SCARB2: variants seen among roughly 807,000 people sequenced by gnomAD.
SCARB2 encodes the protein lysosome membrane protein 2.
A neutral mutation model predicts 58.6 loss-of-function variants in SCARB2; 29 were observed. The ratio of observed to expected loss-of-function variants is 0.49; its 90% CI spans 0.37 to 0.67. The LOEUF (loss-of-function observed/expected upper bound fraction) is 0.67, where lower values mean the gene tolerates loss of function less well. Among genes scored for constraint, SCARB2 ranks in the 30% least tolerant of loss-of-function variants. SCARB2 has a pLI of 0.00. For synonymous variants in SCARB2, 195 were observed against 210.1 expected (o/e 0.93, Z 0.62); for missense variants, 488 against 578.5 (o/e 0.84, Z 1.60).
chr4:76,174,024 G>T (rs1353945008), intron 7 of SCARB2, 120 bp downstream of exon 7: 4 of 1,258,326 alleles, frequency 3.2e-6, no homozygotes, highest in Non-Finnish European at 3.5e-6. Context: ...TCCCACCTCA[G>T]CATCCTTAGT....
At chr4:76,233,864 G>T (rs1021709762) in intron 1 of SCARB2, among the ~76,000 whole-genome samples, 5 of 152,204 alleles carry the variant, frequency 3.3e-5, no homozygotes, top group Admixed American at 1.3e-4. Flanking sequence ...AGTTGGTTGG[G>T]GGGGGCTTGG....
intron 1 of SCARB2, among the ~76,000 whole-genome samples, chr4:76,211,559 T>C (rs772184790): frequency 1.2e-4 from 19 of 152,224 alleles, no homozygotes; most frequent in Non-Finnish European, 2.8e-4. Flanking sequence ...ATGTGATCGT[T>C]AGTCCTTATT....
chr4:76,223,003 AC>A (rs2109980959), intron 1 of SCARB2, among the ~76,000 whole-genome samples: 1 of 152,296 alleles, frequency 6.6e-6, no homozygotes, highest in African/African-American at 2.4e-5. Flanking sequence ...TCAGACCTTG[AC>A]AGGTGGATGC....
chr4:76,229,570 C>T (rs1948997), intron 1 of SCARB2, among the ~76,000 whole-genome samples: 31,769 of 152,146 alleles, frequency 0.21, 3,526 homozygotes, highest in East Asian at 0.36. Context: ...TCCCTAGGGA[C>T]GTGGCTTTCT....
rs767272635 is a variant in SCARB2, at chr4:76,175,889, T to G, written c.726A>C (p.Thr242=). The G allele has an allele frequency of 1.2e-6, 2 of 1,613,956 alleles. No individual in the cohort carries two copies. The highest frequency in any genetic ancestry group is 4.5e-5 in the East Asian group (2 of 44,870). The change falls in exon 6 of 12, where the codon ACA becomes ACC. Residue 242 remains threonine (T), a synonymous_variant. Transcript: ENST00000264896. ...TTCCATTAATCATATTGCACTTGTC[T>G]GTTATCCACCAGTCAAGTGACCTAT... ...NGKTSLDWWI[T]DKCNMINGTD...
chr4:76,173,808 G>A, intron 7 of SCARB2: 1 of 325,252 alleles, frequency 3.1e-6, no homozygotes, highest in Non-Finnish European at 5.9e-6. Flanking sequence ...ACACAACATG[G>A]CATTCTAGAA....
At chr4:76,205,435 TA>T (rs1732910891) in intron 1 of SCARB2, among the ~76,000 whole-genome samples, 1 of 152,236 alleles carries the variant, frequency 6.6e-6, no homozygotes, top group South Asian at 2.1e-4. Flanking sequence ...AAAACAAAGA[TA>T]AGTAATTGAG....
At position 76,176,503 on chromosome 4, in the gene SCARB2, T is replaced by A. The variant is rs751953388; in HGVS notation, c.638A>T (p.Tyr213Phe). Residue 213 changes from tyrosine to phenylalanine, a missense_variant, in exon 5 of 12, where the codon TAT becomes TTT. Tyr to Phe is a conservative substitution (Grantham distance 22). Transcript: ENST00000264896. ...YEKNGTNDGDYVFLTGEDSYL... is the reference protein window; with the variant it reads ...YEKNGTNDGDFVFLTGEDSYL... ...ACTGTCTTCTCCAGTTAGAAAAACA[T>A]AGTCTCCATCATTAGTCCCATTTTT... 3.1e-6 allele frequency: 5 copies of A among 1,611,360 alleles called. No homozygotes were observed. The highest frequency in any genetic ancestry group is 1.3e-5 in the African/African-American group (1 of 74,888).
chr4:76,190,009 C>CT lies in SCARB2; in HGVS notation c.275+5697dup, dbSNP rs796495594. On this transcript the variant is annotated intron_variant, in intron 2 of 11. Coordinates refer to ENST00000264896, the MANE Select transcript of SCARB2 (RefSeq NM_005506.4). ...GTGCTATAAAGTGGTATACTTGACA[C>CT]TTTTTTTTTTTTTTTTGAGATGGGG... Among the ~76,000 whole-genome samples the CT allele has an allele frequency of 7.3e-3, 989 of 134,744 alleles. 5 individuals carry two copies. The highest frequency in any genetic ancestry group is 9.5e-3 in the Non-Finnish European group (607 of 63,778). The allele number at this position is 134,744 out of a possible 152,430, so 88.4% of individuals were successfully genotyped here.
intron 10 of SCARB2, chr4:76,165,149 G>T (rs1731975708): frequency 6.6e-6 from 1 of 152,050 alleles, no homozygotes; most frequent in Non-Finnish European, 1.5e-5. Flanking sequence ...TTTTCAAAAA[G>T]ATCTTTCATG....
intron 2 of SCARB2, among the ~76,000 whole-genome samples, chr4:76,188,466 C>T (rs1732532242): frequency 6.6e-6 from 1 of 151,808 alleles, no homozygotes; most frequent in Admixed American, 6.6e-5. Context: ...GGAAATGTGC[C>T]ACTGTAAATC....
At chr4:76,211,794 T>TG (rs1733052742) in intron 1 of SCARB2, among the ~76,000 whole-genome samples, 1 of 152,242 alleles carries the variant, frequency 6.6e-6, no homozygotes, top group Non-Finnish European at 1.5e-5. Flanking sequence ...ACCTGCCCAC[T>TG]GAAACTAGCC....
intron 2 of SCARB2, chr4:76,195,433 A>G (rs1397209336): frequency 2.2e-6 from 1 of 456,498 alleles, no homozygotes; most frequent in Non-Finnish European, 4.0e-6. Context: ...GGTAAGGAGT[A>G]ACCCTTCATG....
chr4:76,165,862 G>T, intron 10 of SCARB2: 1 of 272,070 alleles, frequency 3.7e-6, no homozygotes, highest in Non-Finnish European at 7.1e-6. Context: ...TTTATCATAG[G>T]TGTCTTAAAC....
intron 1 of SCARB2, among the ~76,000 whole-genome samples, chr4:76,233,841 TACAA>T (rs1733535267): frequency 6.6e-6 from 1 of 151,202 alleles, no homozygotes; most frequent in Non-Finnish European, 1.5e-5. Context: ...TTGCAGATAA[TACAA>T]ACAGAGATAG....
At chr4:76,187,456 T>C (rs905960848) in intron 2 of SCARB2, among the ~76,000 whole-genome samples, 1 of 151,924 alleles carries the variant, frequency 6.6e-6, no homozygotes, top group Non-Finnish European at 1.5e-5. Flanking sequence ...GAGGAGAAAA[T>C]GAAAACGGAT....
At chr4:76,172,064 A>G (rs1266240145) in intron 7 of SCARB2, among the ~76,000 whole-genome samples, 1 of 148,664 alleles carries the variant, frequency 6.7e-6, no homozygotes, top group African/African-American at 2.4e-5. Context: ...ATATGCAAAT[A>G]TATGCATATT....
chr4:76,199,344 A>C lies in SCARB2; in HGVS notation c.118-3480T>G, dbSNP rs184930827. Among the ~76,000 whole-genome samples the C allele has an allele frequency of 7.9e-5, 12 of 152,374 alleles. No homozygotes were observed. The East Asian group carries it at 2.1e-3, about 27-fold the overall frequency. On this transcript the variant is annotated intron_variant, in intron 1 of 11. Coordinates refer to ENST00000264896, the MANE Select transcript of SCARB2 (RefSeq NM_005506.4). ...AGTTAAATTTGTATTTCAGATAAAC[A>C]ACAAATAATTTTATAATATAATTAT...
At chr4:76,168,645 A>T (rs1002257976) in intron 8 of SCARB2, among the ~76,000 whole-genome samples, 169 bp from the exon 9 acceptor site, 1 of 152,234 alleles carries the variant, frequency 6.6e-6, no homozygotes, top group Non-Finnish European at 1.5e-5. Context: ...AATGAGAACC[A>T]TGGGTTGTAT....
Sources: allele counts gnomAD v4.1 joint callset (sites outside exome capture counted in the v4.1 genomes callset), GRCh38; gene constraint gnomAD v4.1.1; transcripts MANE v1.5; gene names NCBI Gene and HGNC (gene_info 2026-07-23, HGNC 2026-07-21).